Variants in ADARB1 observed in about 807,000 individuals in gnomAD.
ADARB1 encodes double-stranded RNA-specific editase 1.
Under a neutral mutation model 52.4 loss-of-function variants are expected in ADARB1, and 10 were observed. That is an observed-to-expected ratio of 0.19 (90% confidence interval 0.12 to 0.32). The LOEUF (loss-of-function observed/expected upper bound fraction) is 0.32. Among genes scored for constraint, ADARB1 ranks in the 10% least tolerant of loss-of-function variants. The probability of loss-of-function intolerance (pLI) is 1.00; values close to 1 mark genes in which losing one functional copy is unlikely to be tolerated. For synonymous variants in ADARB1, 349 were observed against 371.1 expected (o/e 0.94, Z 0.68); for missense variants, 643 against 922.3 (o/e 0.70, Z 3.92).
chr21:45,108,100 AAC>A (rs2087341494), intron 1 of ADARB1, among the ~76,000 whole-genome samples: 2 of 152,204 alleles, frequency 1.3e-5, no homozygotes, highest in South Asian at 4.1e-4. Flanking sequence ...AAAACAGAAA[AAC>A]ACAATAAGGT....
intron 9 of ADARB1, among the ~76,000 whole-genome samples, chr21:45,205,329 C>T (rs985888681): frequency 2.0e-5 from 3 of 152,224 alleles, no homozygotes; most frequent in Admixed American, 6.5e-5. Context: ...GGGCTGGGCA[C>T]CTGTCTGTTT....
At chr21:45,216,999 G>T (rs2092876152) in intron 9 of ADARB1, among the ~76,000 whole-genome samples, 2 of 151,802 alleles carry the variant, frequency 1.3e-5, no homozygotes, top group Admixed American at 1.3e-4. Flanking sequence ...AATTTGTTTT[G>T]AGATTAATAT....
intron 1 of ADARB1, among the ~76,000 whole-genome samples, chr21:45,084,916 A>G (rs2086281769): frequency 6.6e-6 from 1 of 152,172 alleles, no homozygotes; most frequent in South Asian, 2.1e-4. Context: ...CAAGAATGTA[A>G]AGTGGCTTCT....
chr21:45,109,280 G>A (rs1263942996), intron 1 of ADARB1, among the ~76,000 whole-genome samples: 1 of 152,004 alleles, frequency 6.6e-6, no homozygotes, highest in Non-Finnish European at 1.5e-5. Context: ...GCGCGCGTGT[G>A]CGCGCTTGTG....
chr21:45,084,071 A>G (rs1418230655), intron 1 of ADARB1, among the ~76,000 whole-genome samples: 1 of 152,230 alleles, frequency 6.6e-6, no homozygotes, highest in African/African-American at 2.4e-5. Context: ...TTGGGAGATC[A>G]GGATTGTAAT....
intron 8 of ADARB1, among the ~76,000 whole-genome samples, chr21:45,190,514 G>A (rs1464982608): frequency 6.6e-6 from 1 of 152,052 alleles, no homozygotes; most frequent in Non-Finnish European, 1.5e-5. Flanking sequence ...TTTCTTGTAT[G>A]CCTTGTTTAT....
chr21:45,164,075 C>T (rs1185813690), intron 2 of ADARB1, among the ~76,000 whole-genome samples: 1 of 152,190 alleles, frequency 6.6e-6, no homozygotes, highest in Non-Finnish European at 1.5e-5. Context: ...GAAGTTCATG[C>T]TTTTTCCTTC....
At chr21:45,134,846 G>T in intron 2 of ADARB1, 1 of 533,906 alleles carries the variant, frequency 1.9e-6, no homozygotes. Flanking sequence ...AGTGGGTGAT[G>T]GCATTTGTGG....
chr21:45,185,626 C>T (rs1255615036), intron 8 of ADARB1, among the ~76,000 whole-genome samples: 2 of 152,194 alleles, frequency 1.3e-5, no homozygotes, highest in Non-Finnish European at 2.9e-5. Context: ...CTGTAGTCAG[C>T]AGGCACCTGG....
chr21:45,141,033 T>A (rs533608445), intron 2 of ADARB1, among the ~76,000 whole-genome samples: 2 of 152,018 alleles, frequency 1.3e-5, no homozygotes, highest in African/African-American at 4.8e-5. Flanking sequence ...GTACAAAAAA[T>A]AAAAGTAAAA....
intron 1 of ADARB1, among the ~76,000 whole-genome samples, chr21:45,094,265 C>G (rs1434976274): frequency 3.9e-5 from 6 of 152,122 alleles, no homozygotes. Context: ...GTTCAAGATC[C>G]CTCACTGATA....
intron 8 of ADARB1, among the ~76,000 whole-genome samples, chr21:45,189,888 C>T (rs1194625976): frequency 6.6e-6 from 1 of 152,120 alleles, no homozygotes; most frequent in African/African-American, 2.4e-5. Flanking sequence ...TCTGTCTTCA[C>T]TTTAGACAGT....
In ADARB1 at chr21:45,221,334, T is replaced by G. The variant is rs2092961406; in HGVS notation, c.1926+320T>G. The stretch of plus-strand genomic sequence containing the variant: ...ATGCAAAACGCAGGGCCAGTCACCC[T>G]GCTGTCCCCTCCTTCTCAGCAACAT... On this transcript the variant is annotated intron_variant, in intron 10 of 10. Transcript: ENST00000348831. This position sits in a 1 kb window ranked among gnomAD's most constrained non-coding sequence, Gnocchi z 4.9. 6.6e-6 allele frequency among the ~76,000 whole-genome samples: 1 copy of G among 152,242 alleles called. No homozygotes were observed. The highest frequency in any genetic ancestry group is 2.1e-4 in the South Asian group (1 of 4,832).
Position 45,171,446 on chromosome 21 carries a change from T to G in ADARB1, c.-47-164T>G, listed in dbSNP as rs1191806939. 2.0e-5 allele frequency among the ~76,000 whole-genome samples: 3 copies of G among 152,256 alleles called. No individual in the cohort carries two copies. In the East Asian group the frequency reaches 5.8e-4, roughly 29 times the overall value. ...TGGAATGTGCCAAGGAGGAGTATTT[T>G]GTACCAGATGGCAGATCTGACTTCT... On this transcript the variant is annotated intron_variant, in intron 2 of 10. Transcript: ENST00000348831.
chr21:45,094,857 A>T (rs943881410), intron 1 of ADARB1, among the ~76,000 whole-genome samples: 1 of 152,080 alleles, frequency 6.6e-6, no homozygotes, highest in Non-Finnish European at 1.5e-5. Context: ...AGGAAGACCA[A>T]TTGAGGACCT....
At chr21:45,154,116 C>A (rs1433128893) in intron 2 of ADARB1, among the ~76,000 whole-genome samples, 1 of 152,182 alleles carries the variant, frequency 6.6e-6, no homozygotes, top group African/African-American at 2.4e-5. Flanking sequence ...CTTAAAATGT[C>A]TTTTTCATGC....
At chr21:45,086,691 C>T (rs555349923) in intron 1 of ADARB1, among the ~76,000 whole-genome samples, 73 of 152,322 alleles carry the variant, frequency 4.8e-4, no homozygotes, top group African/African-American at 1.6e-3. Context: ...ATTGGCGTAG[C>T]GTGTTCGTTT....
intron 2 of ADARB1, among the ~76,000 whole-genome samples, chr21:45,163,443 A>G (rs1192699616): frequency 6.6e-6 from 1 of 152,216 alleles, no homozygotes; most frequent in East Asian, 1.9e-4. Flanking sequence ...AGCAGAGCTC[A>G]GGGCCTGGTG....
At chr21:45,133,043 TCA>T (rs1481508885) in intron 2 of ADARB1, among the ~76,000 whole-genome samples, 2 of 152,258 alleles carry the variant, frequency 1.3e-5, no homozygotes, top group Non-Finnish European at 2.9e-5. Context: ...TGTCAAGTTT[TCA>T]CAGTCATGTG....
Sources: gnomAD v4.1 joint callset for allele counts (sites outside exome capture counted in the v4.1 genomes callset) on GRCh38, gnomAD v4.1.1 for gene constraint, Gnocchi (gnomAD v3.1) non-coding constraint, MANE v1.5 for transcripts, NCBI Gene and HGNC (gene_info 2026-07-23, HGNC 2026-07-21) for gene names.